Variants in TANC2 observed in about 807,000 individuals in gnomAD.
TANC2 encodes tetratricopeptide repeat, ankyrin repeat and coiled-coil containing 2.
TANC2 carries 26 observed loss-of-function variants against 210.5 expected under a neutral mutation model. That is an observed-to-expected ratio of 0.12 (90% CI 0.09 to 0.17). The LOEUF (loss-of-function observed/expected upper bound fraction) is 0.17, where lower values mean the gene tolerates loss of function less well. Among genes scored for constraint, TANC2 ranks in the 10% least tolerant of loss-of-function variants. The pLI, the probability that TANC2 is intolerant of heterozygous loss-of-function variation, is 1.00. For synonymous variants in TANC2, 931 were observed against 967.1 expected, an observed-to-expected ratio of 0.96 and a Z score of 0.69; for missense variants, 2,129 against 2,608.9, an observed-to-expected ratio of 0.82 and a Z score of 4.01.
At chr17:63,066,077 G>A (rs573068409) in intron 2 of TANC2, among the ~76,000 whole-genome samples, 4 of 152,138 alleles carry the variant, frequency 2.6e-5, no homozygotes, top group Admixed American at 2.0e-4. Context: ...TGCAAGGTAC[G>A]TCCTGTTGTC....
chr17:63,404,721 CA>C (rs535592157), intron 19 of TANC2, among the ~76,000 whole-genome samples: 37 of 141,532 alleles, frequency 2.6e-4, no homozygotes, highest in East Asian at 1.0e-3. Context: ...TAAAACAAAA[CA>C]AAAAAAAAAA....
chr17:63,039,607 G>C (rs2035104203), intron 2 of TANC2, among the ~76,000 whole-genome samples: 1 of 152,148 alleles, frequency 6.6e-6, no homozygotes, highest in South Asian at 2.1e-4. Flanking sequence ...AAACAAAATG[G>C]TGCAGCACGT....
intron 14 of TANC2, among the ~76,000 whole-genome samples, chr17:63,370,182 CTTT>C (rs568393678): frequency 1.5e-5 from 2 of 131,120 alleles, no homozygotes; most frequent in Non-Finnish European, 3.3e-5. Flanking sequence ...CTTTTTTTTT[CTTT>C]TTTTTTTTTT....
In TANC2 at chr17:63,415,517, G is replaced by A. The variant is rs1431323180; in HGVS notation, c.4021-11G>A. 6.2e-7 allele frequency: 1 copy of A among 1,612,804 alleles called. No homozygotes were observed. Among genetic ancestry groups the A allele is most frequent in the Non-Finnish European group, 8.5e-7 (1 of 1,179,482 alleles). On this transcript the variant is annotated splice_polypyrimidine_tract_variant and intron_variant, in intron 25 of 27. Transcript: ENST00000689528. ...CCAACTGTGTGTTTCGCCATCTTGT[G>A]CTCCCATTAGAAAGGTAAAGTAAAG...
exon 2 of TANC2, chr17:63,009,546 A>G (rs368461185): frequency 2.5e-6 from 4 of 1,611,588 alleles, no homozygotes; most frequent in Non-Finnish European, 3.4e-6. Flanking sequence ...GTTTTGCAGT[A>G]GAAGAGTATA....
intron 19 of TANC2, 66 bp downstream of exon 19, chr17:63,398,980 C>G: frequency 1.7e-6 from 2 of 1,206,078 alleles, no homozygotes; most frequent in Non-Finnish European, 1.2e-6. Context: ...ATCTCACCCC[C>G]TTATTTTTTC....
At chr17:63,248,031 A>C (rs1038203414) in intron 8 of TANC2, among the ~76,000 whole-genome samples, 1 of 152,128 alleles carries the variant, frequency 6.6e-6, no homozygotes, top group Non-Finnish European at 1.5e-5. Context: ...GAGAAATAAA[A>C]TTACTTTCAC....
At chr17:62,972,312 A>C (rs549334757) in intron 1 of TANC2, among the ~76,000 whole-genome samples, 1 of 152,216 alleles carries the variant, frequency 6.6e-6, no homozygotes, top group Non-Finnish European at 1.5e-5. Flanking sequence ...GGTAAGCATT[A>C]CTAAATTTAA....
rs1197834968 is a variant in TANC2 at position 63,263,034 on chromosome 17, A to C, written c.1034-4714A>C. ...CTTTCAAATACTTATTTCTTTATAGAAATTATATCTACAATTTGGATAAAT... is the reference window on the plus strand; with the variant it reads ...CTTTCAAATACTTATTTCTTTATAGCAATTATATCTACAATTTGGATAAAT... On this transcript the variant is annotated intron_variant, in intron 8 of 27. Coordinates refer to ENST00000689528, the Ensembl canonical transcript of TANC2. Among the ~76,000 whole-genome samples the C allele has an allele frequency of 2.0e-5, 3 of 152,266 alleles. No individual in the cohort carries two copies. The East Asian group carries it at 5.8e-4, about 29-fold the overall frequency.
chr17:63,175,531 G>A (rs8081229), intron 5 of TANC2, among the ~76,000 whole-genome samples: 10 of 119,008 alleles, frequency 8.4e-5, no homozygotes, highest in South Asian at 2.7e-4. Flanking sequence ...TGTCTCCCCC[G>A]CCAAAAAAAA....
At chr17:63,153,690 G>T (rs1383028432) in intron 5 of TANC2, 2 of 152,194 alleles carry the variant, frequency 1.3e-5, no homozygotes, top group Admixed American at 1.3e-4. Context: ...CAGTGGTTCA[G>T]TGAACAATGC....
At chr17:62,987,283 C>T (rs1320077347) in intron 1 of TANC2, among the ~76,000 whole-genome samples, 14 of 152,194 alleles carry the variant, frequency 9.2e-5, no homozygotes, top group Non-Finnish European at 1.3e-4. Flanking sequence ...GTGTGGAATT[C>T]GTAGTATAAA....
At chr17:63,337,577 G>GTTT (rs1292133512) in intron 11 of TANC2, among the ~76,000 whole-genome samples, 1 of 149,442 alleles carries the variant, frequency 6.7e-6, no homozygotes, top group African/African-American at 2.5e-5. Context: ...GGATAGTAAT[G>GTTT]GTGAAAGTGG....
intron 8 of TANC2, among the ~76,000 whole-genome samples, chr17:63,262,313 A>G (rs1052159405): frequency 2.6e-5 from 4 of 152,224 alleles, no homozygotes; most frequent in Middle Eastern, 3.4e-3. Flanking sequence ...CCAAGTAGCT[A>G]GCACTACGGA....
chr17:63,365,962 A>G (rs890040348), intron 14 of TANC2, among the ~76,000 whole-genome samples: 14 of 152,076 alleles, frequency 9.2e-5, no homozygotes, highest in African/African-American at 3.4e-4. Context: ...TTCTGTCTAA[A>G]ATGAGCTCGA....
At chr17:63,236,810 G>A (rs2042634319) in intron 7 of TANC2, among the ~76,000 whole-genome samples, 1 of 152,076 alleles carries the variant, frequency 6.6e-6, no homozygotes, top group Non-Finnish European at 1.5e-5. Flanking sequence ...CATCCATGTT[G>A]CTGCAAAAGA....
At chr17:63,258,562 A>G (rs375044888) in intron 8 of TANC2, among the ~76,000 whole-genome samples, 1 of 151,892 alleles carries the variant, frequency 6.6e-6, no homozygotes, top group South Asian at 2.1e-4. Context: ...CAAAGCCACA[A>G]GATAAAGTCC....
chr17:63,030,939 A>G (rs1010145751), intron 2 of TANC2, among the ~76,000 whole-genome samples: 9 of 152,088 alleles, frequency 5.9e-5, no homozygotes, highest in African/African-American at 2.2e-4. Context: ...GTTTGTTAAT[A>G]ATCCAAATAT....
At position 63,205,344 on chromosome 17, in the gene TANC2, C is replaced by CAAAAAAAAAA. The variant is rs1158768609; in HGVS notation, c.769+4406_769+4415dup. 3.7e-3 allele frequency among the ~76,000 whole-genome samples: 30 copies of CAAAAAAAAAA among 8,066 alleles called. 5 individuals are homozygous for CAAAAAAAAAA. The highest frequency in any genetic ancestry group is 5.5e-3 in the Non-Finnish European group (23 of 4,204). The allele number at this position is 8,066 out of a possible 152,430, so 5.3% of individuals were successfully genotyped here. ...ACTGCTCAAAATTTAACCAAGGAGG[C>CAAAAAAAAAA]AAAAAAAAAAAAAAAAAAAAAAAAA... On this transcript the variant is annotated intron_variant, in intron 7 of 27. Transcript: ENST00000689528.
Sources: gnomAD v4.1 joint callset for allele counts (sites outside exome capture counted in the v4.1 genomes callset) on GRCh38, gnomAD v4.1.1 for gene constraint, MANE v1.5 for transcripts, NCBI Gene and HGNC (gene_info 2026-07-23, HGNC 2026-07-21) for gene names.